Variants in SORBS2 observed in about 807,000 individuals in gnomAD.
SORBS2 encodes the protein sorbin and SH3 domain-containing protein 2.
SORBS2 carries 46 observed loss-of-function variants against 97.7 expected under a neutral mutation model. The ratio of observed to expected loss-of-function variants is 0.47; its 90% CI spans 0.37 to 0.60. The LOEUF (loss-of-function observed/expected upper bound fraction) is 0.60, where lower values mean the gene tolerates loss of function less well. Among genes scored for constraint, SORBS2 ranks in the 20% least tolerant of loss-of-function variants. SORBS2 has a pLI of 0.00. For missense variants in SORBS2, 1,316 were observed against 1,282.3 expected (o/e 1.03, Z -0.40); for synonymous variants, 476 against 473.4 (o/e 1.01, Z -0.07).
intron 1 of SORBS2, among the ~76,000 whole-genome samples, chr4:185,937,987 C>T (rs1177032563): frequency 6.6e-6 from 1 of 150,716 alleles, no homozygotes; most frequent in Non-Finnish European, 1.5e-5. Flanking sequence ...TGCCTGCCTC[C>T]TAGGTTTTAG....
At chr4:185,688,957 C>A (rs927730616) in intron 2 of SORBS2, among the ~76,000 whole-genome samples, 2 of 152,114 alleles carry the variant, frequency 1.3e-5, no homozygotes, top group East Asian at 3.8e-4. Flanking sequence ...CATCCAGAGT[C>A]AAGCTTACTC....
At chr4:185,713,608 A>G (rs2098442479) in intron 2 of SORBS2, among the ~76,000 whole-genome samples, 1 of 152,218 alleles carries the variant, frequency 6.6e-6, no homozygotes, top group African/African-American at 2.4e-5. Context: ...AAAACAATAT[A>G]TACTTTTTTC....
intron 2 of SORBS2, among the ~76,000 whole-genome samples, 199 bp from the exon 4 acceptor site, chr4:185,690,810 T>C (rs981470262): frequency 6.6e-6 from 1 of 152,210 alleles, no homozygotes; most frequent in African/African-American, 2.4e-5. Context: ...CCCATGCTCA[T>C]AAAACAGACA....
intron 1 of SORBS2, among the ~76,000 whole-genome samples, chr4:185,806,585 G>T (rs2099157067): frequency 6.7e-6 from 1 of 149,848 alleles, no homozygotes. Flanking sequence ...AGCCTCCCGA[G>T]TAGCTGGGAC....
chr4:185,804,589 CT>C (rs1258025408), intron 1 of SORBS2, among the ~76,000 whole-genome samples: 1 of 152,148 alleles, frequency 6.6e-6, no homozygotes, highest in Admixed American at 6.5e-5. Context: ...AAAGTCCCTA[CT>C]TTTTAGTATT....
At chr4:185,767,005 C>T (rs1048658111) in intron 2 of SORBS2, among the ~76,000 whole-genome samples, 1 of 152,014 alleles carries the variant, frequency 6.6e-6, no homozygotes, top group Non-Finnish European at 1.5e-5. Context: ...TAACTCGATT[C>T]TTTTCGGTAT....
At chr4:185,711,895 C>A (rs1270278849) in intron 2 of SORBS2, among the ~76,000 whole-genome samples, 1 of 152,148 alleles carries the variant, frequency 6.6e-6, no homozygotes, top group Non-Finnish European at 1.5e-5. Context: ...CGCCACCTAT[C>A]CTCTCCACTG....
exon 15 of SORBS2, chr4:185,587,559 G>T (rs1485351520): frequency 2.9e-6 from 4 of 1,383,896 alleles, no homozygotes; most frequent in Non-Finnish European, 4.1e-6. Context: ...AGGCCCGCGG[G>T]GTGTTTCAGG....
In SORBS2 at chr4:185,896,849, C is replaced by T. The variant is rs527737886; in HGVS notation, c.-338+59347G>A. ...TTGCCCTCAAGTTTCCCAGTGATGC[C>T]AGTGATACCTGCCCTAAATTACAAA... On this transcript the variant is annotated intron_variant, in intron 1 of 20. Transcript: ENST00000284776. Among the ~76,000 whole-genome samples, 89 of 145,536 alleles carry T rather than the reference C, an allele frequency of 6.1e-4. 1 individual carries two copies. Among genetic ancestry groups the T allele is most frequent in the African/African-American group, 2.3e-3 (88 of 38,834 alleles).
intron 1 of SORBS2, among the ~76,000 whole-genome samples, chr4:185,846,263 C>T (rs555310298): frequency 2.0e-5 from 3 of 152,190 alleles, no homozygotes; most frequent in Non-Finnish European, 4.4e-5. Context: ...GGACGCCTCT[C>T]AAATGCATCA....
At chr4:185,847,115 A>G (rs929385627) in intron 1 of SORBS2, among the ~76,000 whole-genome samples, 3 of 152,070 alleles carry the variant, frequency 2.0e-5, no homozygotes, top group African/African-American at 7.2e-5. Flanking sequence ...CAAAACTTAC[A>G]CTTATCTTGT....
At chr4:185,823,390 T>C (rs966985331) in intron 1 of SORBS2, among the ~76,000 whole-genome samples, 4 of 152,194 alleles carry the variant, frequency 2.6e-5, no homozygotes, top group Non-Finnish European at 5.9e-5. Flanking sequence ...CATTCCATTT[T>C]TGTAAGTAAA....
intron 2 of SORBS2, among the ~76,000 whole-genome samples, chr4:185,764,368 C>G (rs1187362550): frequency 6.6e-6 from 1 of 152,120 alleles, no homozygotes. Flanking sequence ...TAATGACAAA[C>G]TATTTGATAA....
chr4:185,828,951 G>A (rs1579099964), intron 1 of SORBS2, among the ~76,000 whole-genome samples: 1 of 152,030 alleles, frequency 6.6e-6, no homozygotes, highest in South Asian at 2.1e-4. Flanking sequence ...TACCATTATT[G>A]GTCCCATTGC....
At chr4:185,840,818 A>T (rs1579146218) in intron 1 of SORBS2, among the ~76,000 whole-genome samples, 1 of 152,150 alleles carries the variant, frequency 6.6e-6, no homozygotes, top group Admixed American at 6.5e-5. Flanking sequence ...GCTCTGGAAG[A>T]TGTTCACTCA....
intron 2 of SORBS2, among the ~76,000 whole-genome samples, chr4:185,731,523 TCC>T (rs1219880090): frequency 1.1e-3 from 116 of 104,368 alleles, no homozygotes; most frequent in African/African-American, 5.0e-3. Flanking sequence ...CCTATCTCTC[TCC>T]CCCTCCCTCT....
chr4:185,890,094 C>T (rs1344419181), intron 1 of SORBS2, among the ~76,000 whole-genome samples: 4 of 152,114 alleles, frequency 2.6e-5, no homozygotes, highest in South Asian at 2.1e-4. Flanking sequence ...GCCATGTTGG[C>T]CAGGCTGGTC....
intron 1 of SORBS2, among the ~76,000 whole-genome samples, chr4:185,819,655 C>A (rs964477671): frequency 2.0e-5 from 3 of 152,148 alleles, no homozygotes; most frequent in Non-Finnish European, 4.4e-5. Context: ...GTCAGTGAGC[C>A]TTTATTCCTG....
upstream of SORBS2, chr4:185,657,273 C>T: frequency 1.6e-6 from 1 of 608,994 alleles, no homozygotes; most frequent in Non-Finnish European, 2.6e-6. Context: ...CTTTCTCTGC[C>T]ACACACAGCA....
Sources: allele counts gnomAD v4.1 joint callset (sites outside exome capture counted in the v4.1 genomes callset), GRCh38; gene constraint gnomAD v4.1.1; transcripts MANE v1.5; gene names NCBI Gene and HGNC (gene_info 2026-07-23, HGNC 2026-07-21).